Variants in LRRC7 observed in about 807,000 individuals in gnomAD.
The protein encoded by LRRC7 is leucine-rich repeat-containing protein 7.
LRRC7 carries 23 observed loss-of-function variants against 175.7 expected under a neutral mutation model. The ratio of observed to expected loss-of-function variants is 0.13; its 90% CI spans 0.09 to 0.19. The LOEUF (loss-of-function observed/expected upper bound fraction) is 0.19, where lower values mean the gene tolerates loss of function less well. Ranked by LOEUF, LRRC7 falls within the 10% of genes least tolerant of loss-of-function variation. The pLI is 1.00. For synonymous variants in LRRC7, 685 were observed against 680.9 expected (o/e 1.01, Z -0.09); for missense variants, 1,354 against 1,904.7 (o/e 0.71, Z 5.38).
At chr1:69,774,632 G>A (rs988761854) in intron 3 of LRRC7, among the ~76,000 whole-genome samples, 1 of 152,056 alleles carries the variant, frequency 6.6e-6, no homozygotes, top group Admixed American at 6.5e-5. Flanking sequence ...GTAACATCAT[G>A]TTACATACTT....
chr1:69,992,791 G>A (rs1312812681), intron 10 of LRRC7, among the ~76,000 whole-genome samples: 1 of 152,176 alleles, frequency 6.6e-6, no homozygotes, highest in Non-Finnish European at 1.5e-5. Context: ...AGGATAATCT[G>A]TCACATCAGC....
intron 1 of LRRC7, among the ~76,000 whole-genome samples, chr1:69,663,399 C>T (rs182671098): frequency 8.9e-4 from 136 of 152,050 alleles, no homozygotes; most frequent in Non-Finnish European, 1.5e-3. Context: ...ATTTTGATAC[C>T]GGCATGCAAT....
rs572372639 is a variant in LRRC7, at chr1:70,028,564, C to A, written c.1995+193C>A. On this transcript the variant is annotated intron_variant, in intron 18 of 26. Coordinates refer to ENST00000651989, the MANE Select transcript of LRRC7 (RefSeq NM_001370785.2). ...AAATGATACCCTCATGGCCTAAAAT[C>A]ATTAACATAGCTCCAAAAGTTCCAA... 2.0e-5 allele frequency among the ~76,000 whole-genome samples: 3 copies of A among 152,180 alleles called. No homozygotes were observed. The East Asian group carries it at 5.8e-4, about 29-fold the overall frequency.
chr1:69,778,157 C>A (rs1673028704), intron 3 of LRRC7, among the ~76,000 whole-genome samples: 1 of 152,164 alleles, frequency 6.6e-6, no homozygotes, highest in Non-Finnish European at 1.5e-5. Flanking sequence ...CCTCCCACAG[C>A]CTTCATTATT....
chr1:69,761,557 C>T (rs1292441089), intron 3 of LRRC7, among the ~76,000 whole-genome samples: 1 of 151,894 alleles, frequency 6.6e-6, no homozygotes, highest in Non-Finnish European at 1.5e-5. Context: ...TGTATTGTGT[C>T]ATCTGGGATA....
Position 70,143,950 on chromosome 1 carries a change from C to G in LRRC7, c.*22063C>G, listed in dbSNP as rs1350191501. 6.6e-6 allele frequency: 1 copy of G among 152,112 alleles called. No individual in the cohort carries two copies. The highest frequency in any genetic ancestry group is 1.5e-5 in the Non-Finnish European group (1 of 68,020). The allele number at this position is 152,112 out of a possible 1,614,324, so 9.4% of individuals were successfully genotyped here. On this transcript the variant is annotated 3_prime_UTR_variant, in exon 27 of 27. Coordinates refer to ENST00000651989, the MANE Select transcript of LRRC7 (RefSeq NM_001370785.2). ...AAACTGAATGAAGACATATTTACTA[C>G]TTTATTAACATAGATCGTGAATGTA...
chr1:69,874,201 C>T (rs1685833404), intron 7 of LRRC7: 1 of 152,066 alleles, frequency 6.6e-6, no homozygotes, highest in African/African-American at 2.4e-5. Flanking sequence ...ACCATATTGG[C>T]TTTTCATGCA....
At chr1:69,744,847 C>T (rs1669087038) in intron 2 of LRRC7, among the ~76,000 whole-genome samples, 1 of 151,780 alleles carries the variant, frequency 6.6e-6, no homozygotes, top group East Asian at 1.9e-4. Flanking sequence ...TATAAAAATA[C>T]ACTTCCCTAA....
intron 26 of LRRC7, among the ~76,000 whole-genome samples, chr1:70,109,390 C>T (rs1346084546): frequency 1.3e-5 from 2 of 152,184 alleles, no homozygotes; most frequent in Admixed American, 6.5e-5. Context: ...AATGATAGTT[C>T]TCTGAAAAGT....
chr1:69,604,546 C>G (rs1460915795), intron 1 of LRRC7, among the ~76,000 whole-genome samples: 5 of 152,108 alleles, frequency 3.3e-5, no homozygotes, highest in Admixed American at 3.3e-4. Context: ...GTGATTTGGT[C>G]TATTGGATTA....
At chr1:69,952,698 A>G (rs1046232681) in intron 8 of LRRC7, among the ~76,000 whole-genome samples, 5 of 152,062 alleles carry the variant, frequency 3.3e-5, no homozygotes, top group African/African-American at 1.2e-4. Context: ...ATGAACTAGA[A>G]CTGCATTCTT....
At chr1:69,824,179 G>T (rs1473734211) in intron 4 of LRRC7, among the ~76,000 whole-genome samples, 3 of 152,128 alleles carry the variant, frequency 2.0e-5, no homozygotes, top group Non-Finnish European at 4.4e-5. Flanking sequence ...GGGACCTGTG[G>T]TGATAAGGCA....
chr1:69,801,032 G>A (rs1676419247), intron 4 of LRRC7, among the ~76,000 whole-genome samples: 1 of 151,554 alleles, frequency 6.6e-6, no homozygotes, highest in African/African-American at 2.4e-5. Context: ...GTAATAAATT[G>A]CATTTATTGA....
intron 1 of LRRC7, among the ~76,000 whole-genome samples, chr1:69,635,137 C>G (rs926734272): frequency 3.9e-5 from 6 of 152,098 alleles, no homozygotes; most frequent in African/African-American, 9.6e-5. Context: ...TCCTTGTGCT[C>G]TCATCATTTA....
chr1:70,139,345 A>AAAT lies in LRRC7; in HGVS notation c.*17460_*17462dup, dbSNP rs1381201156. ...AAAGGCTTCAGTAATGAACTCTAACAAATAGATCCAGAAGTCATAAGTGAG... is the reference window on the plus strand; with the variant it reads ...AAAGGCTTCAGTAATGAACTCTAACAAATAATAGATCCAGAAGTCATAAGTGAG... On this transcript the variant is annotated 3_prime_UTR_variant, in exon 27 of 27. Coordinates refer to ENST00000651989, the MANE Select transcript of LRRC7 (RefSeq NM_001370785.2). 1 of 152,230 alleles carries AAAT rather than the reference A, an allele frequency of 6.6e-6. No homozygotes were observed. The allele number at this position is 152,230 out of a possible 1,614,324, so 9.4% of individuals were successfully genotyped here. A position where few individuals can be genotyped will look rare whatever the true frequency, so the allele number is the denominator to read the frequency against.
chr1:70,000,990 G>A (rs752507838), intron 11 of LRRC7, among the ~76,000 whole-genome samples: 13 of 152,162 alleles, frequency 8.5e-5, no homozygotes, highest in Admixed American at 2.6e-4. Context: ...TCCCTGTTCC[G>A]ACTGTTTCTT....
chr1:69,881,774 G>A lies in LRRC7; in HGVS notation c.647+43491G>A, dbSNP rs553592694. Reference sequence around the variant, plus strand: ...GCATGCTTGTGGTCTCAGCTACTTGGGAGGCTGAGGTGGGAGGATCACTGA... The same window carrying A: ...GCATGCTTGTGGTCTCAGCTACTTGAGAGGCTGAGGTGGGAGGATCACTGA... On this transcript the variant is annotated intron_variant, in intron 7 of 26. Coordinates refer to ENST00000651989, the MANE Select transcript of LRRC7 (RefSeq NM_001370785.2). Among the ~76,000 whole-genome samples the A allele has an allele frequency of 4.7e-4, 72 of 151,630 alleles. 2 individuals carry two copies. The highest frequency in any genetic ancestry group is 1.6e-3 in the African/African-American group (65 of 41,366).
chr1:70,011,774 A>G, intron 11 of LRRC7, 23 bp from the exon 12 acceptor site: 1 of 1,506,222 alleles, frequency 6.6e-7, no homozygotes. Flanking sequence ...TAAAATGTCT[A>G]ACTAATGTAT....
intron 9 of LRRC7, among the ~76,000 whole-genome samples, chr1:69,983,059 C>G (rs1653594443): frequency 6.6e-6 from 1 of 152,044 alleles, no homozygotes; most frequent in African/African-American, 2.4e-5. Context: ...AAAAAAGAAA[C>G]ACACACACAC....
Sources: allele counts gnomAD v4.1 joint callset (sites outside exome capture counted in the v4.1 genomes callset), GRCh38; gene constraint gnomAD v4.1.1; transcripts MANE v1.5; gene names NCBI Gene and HGNC (gene_info 2026-07-23, HGNC 2026-07-21).